KIF13A: variants seen among roughly 807,000 people sequenced by gnomAD.
KIF13A encodes the protein kinesin family member 13A, also known as kinesin-like protein KIF13A.
A neutral mutation model predicts 212.2 loss-of-function variants in KIF13A; 79 were observed. That is an observed-to-expected ratio of 0.37 (90% CI 0.31 to 0.45). The LOEUF (loss-of-function observed/expected upper bound fraction) is 0.45. Ranked by LOEUF, KIF13A falls within the 20% of genes least tolerant of loss-of-function variation. The pLI is 1.00. For missense variants in KIF13A, 1,901 were observed against 2,209.0 expected, an observed-to-expected ratio of 0.86 and a Z score of 2.79; for synonymous variants, 789 against 808.6, an observed-to-expected ratio of 0.98 and a Z score of 0.41.
chr6:17,908,683 A>C (rs78823422), intron 2 of KIF13A, among the ~76,000 whole-genome samples: 9,346 of 152,230 alleles, frequency 0.061, 367 homozygotes, highest in East Asian at 0.18. Flanking sequence ...TTAAAAAAAA[A>C]AAACCCTGTT....
chr6:17,929,691 C>T (rs1239937860), intron 2 of KIF13A, among the ~76,000 whole-genome samples: 6 of 152,120 alleles, frequency 3.9e-5, no homozygotes, highest in African/African-American at 9.7e-5. Context: ...TGAGCCACCG[C>T]GCCCGGCCGC....
Position 17,834,201 on chromosome 6 carries a change from G to T in KIF13A, c.1156-130C>A, listed in dbSNP as rs1765720100. On this transcript the variant is annotated intron_variant, in intron 11 of 38. Transcript: ENST00000259711. This position sits in a 1 kb window ranked among gnomAD's most constrained non-coding sequence, Gnocchi z 4.0. Reference sequence around the variant, plus strand: ...AAAAAATTAAGTTATATGCTGTTAGGGTGGGTTTTTAACCTTTATTAATCA... The same window carrying T: ...AAAAAATTAAGTTATATGCTGTTAGTGTGGGTTTTTAACCTTTATTAATCA... 1 of 570,144 alleles carries T rather than the reference G, an allele frequency of 1.8e-6. No homozygotes were observed. The highest frequency in any genetic ancestry group is 3.0e-6 in the Non-Finnish European group (1 of 334,226). The allele number at this position is 570,144 out of a possible 1,614,324, so 35.3% of individuals were successfully genotyped here. A position where few individuals can be genotyped will look rare whatever the true frequency, so the allele number is the denominator to read the frequency against.
intron 2 of KIF13A, among the ~76,000 whole-genome samples, chr6:17,954,303 CAAAA>C (rs71002291): frequency 1.9e-5 from 2 of 107,206 alleles, no homozygotes. Flanking sequence ...GACTCCATCT[CAAAA>C]AAAAAAAAAA....
rs1765194851 is a variant in KIF13A at position 17,828,928 on chromosome 6, G to A, written c.1402-558C>T. On this transcript the variant is annotated intron_variant, in intron 13 of 38. Transcript: ENST00000259711. The surrounding 1 kb of genome is among the most constrained non-coding windows in gnomAD (Gnocchi z 4.3). ...ATTACATACAGTATTAATGCCTGTGGGTCATACCATGTACAAACGTGTGAT... is the reference window on the plus strand; with the variant it reads ...ATTACATACAGTATTAATGCCTGTGAGTCATACCATGTACAAACGTGTGAT... Among the ~76,000 whole-genome samples the A allele has an allele frequency of 6.6e-6, 1 of 151,340 alleles. No individual in the cohort carries two copies. Among genetic ancestry groups the A allele is most frequent in the South Asian group, 2.1e-4 (1 of 4,780 alleles).
chr6:17,845,369 A>G (rs1308940680), intron 9 of KIF13A, among the ~76,000 whole-genome samples: 1 of 152,244 alleles, frequency 6.6e-6, no homozygotes, highest in Non-Finnish European at 1.5e-5. Context: ...TTACTCTATT[A>G]TAACAAATTA....
chr6:17,809,079 C>T lies in KIF13A; in HGVS notation c.2001-149G>A, dbSNP rs1763217071. On this transcript the variant is annotated intron_variant, in intron 17 of 38. Coordinates refer to ENST00000259711, the MANE Select transcript of KIF13A (RefSeq NM_022113.6). The surrounding 1 kb of genome is among the most constrained non-coding windows in gnomAD (Gnocchi z 4.7). ...ACCAGACTACCTCTCATCCTTCCCT[C>T]CTGCCCACAGATGGGCTATCTGTTG... The T allele has an allele frequency of 1.3e-6, 1 of 746,302 alleles. No homozygotes were observed. Among genetic ancestry groups the T allele is most frequent in the South Asian group, 2.0e-5 (1 of 48,836 alleles). 46.2% of individuals were successfully genotyped at this position (746,302 alleles called of 1,614,324 possible). A position where few individuals can be genotyped will look rare whatever the true frequency, so the allele number is the denominator to read the frequency against.
rs769106211 is a variant in KIF13A at position 17,777,246 on chromosome 6, T to A, written c.4170+31A>T. Reference sequence around the variant, plus strand: ...ACCCCAGAGGCTGCGACATGTCACATAGGAGCAGATCCTTGGCAGGATGCA... The same window carrying A: ...ACCCCAGAGGCTGCGACATGTCACAAAGGAGCAGATCCTTGGCAGGATGCA... On this transcript the variant is annotated intron_variant, in intron 34 of 38. Transcript: ENST00000259711. The surrounding 1 kb of genome is among the most constrained non-coding windows in gnomAD (Gnocchi z 4.4). 8 of 1,564,840 alleles carry A rather than the reference T, an allele frequency of 5.1e-6. No individual in the cohort carries two copies. The highest frequency in any genetic ancestry group is 1.7e-4 in the Middle Eastern group (1 of 5,984).
chr6:17,869,773 G>A (rs1252198595), intron 4 of KIF13A, among the ~76,000 whole-genome samples: 1 of 152,176 alleles, frequency 6.6e-6, no homozygotes, highest in Non-Finnish European at 1.5e-5. Flanking sequence ...AAGAGCCCTT[G>A]CTTCTCTTTG....
At position 17,886,255 on chromosome 6, in the gene KIF13A, C is replaced by T. The variant is rs773202719; in HGVS notation, c.159+11913G>A. On this transcript the variant is annotated intron_variant, in intron 3 of 38. Transcript: ENST00000259711. This position sits in a 1 kb window ranked among gnomAD's most constrained non-coding sequence, Gnocchi z 5.6. ...AAGACCTCATTTCTTGTGCCTATCT[C>T]TCCAGTCCCCTCTGCCTCACTGCAC... is the stretch of plus-strand genomic sequence containing the variant. 7.2e-5 allele frequency among the ~76,000 whole-genome samples: 11 copies of T among 152,236 alleles called. No homozygotes were observed. Among genetic ancestry groups the T allele is most frequent in the Non-Finnish European group, 1.0e-4 (7 of 68,044 alleles).
chr6:17,780,818 A>G lies in KIF13A; in HGVS notation c.3758T>C (p.Ile1253Thr). The G allele has an allele frequency of 6.2e-7, 1 of 1,613,932 alleles. No individual in the cohort carries two copies. Among genetic ancestry groups the G allele is most frequent in the Non-Finnish European group, 8.5e-7 (1 of 1,179,776 alleles). The change falls in exon 31 of 39, where the codon ATT becomes ACT. Residue 1253 changes from isoleucine (I) to threonine (T), a missense_variant. This residue lies in a region of KIF13A where 687 missense variants were observed against 759.1 expected (regional missense o/e 0.90). Transcript: ENST00000259711. The stretch of plus-strand genomic sequence containing the variant: ...GCTGAGTTGAACTGTGGTTTTCACA[A>G]TTAGGTAAATCCTTTCATTCTGTGG... ...VTPQNERIYL[I>T]VKTTVQLSHP... is the part of the protein sequence containing the mutation.
rs1230073093 is a variant in KIF13A at position 17,883,899 on chromosome 6, G to A, written c.160-10462C>T. On this transcript the variant is annotated intron_variant, in intron 3 of 38. Transcript: ENST00000259711. The surrounding 1 kb of genome is among the most constrained non-coding windows in gnomAD (Gnocchi z 4.8). Reference sequence around the variant, plus strand: ...ACCTGTGAATAGCCACTGCACTCCAGCCTGGACAACCTAGTGAGATCCCAT... The same window carrying A: ...ACCTGTGAATAGCCACTGCACTCCAACCTGGACAACCTAGTGAGATCCCAT... Among the ~76,000 whole-genome samples, 1 of 152,128 alleles carries A rather than the reference G, an allele frequency of 6.6e-6. No homozygotes were observed. Among genetic ancestry groups the A allele is most frequent in the African/African-American group, 2.4e-5 (1 of 41,426 alleles).
At chr6:17,881,438 A>G in intron 3 of KIF13A, 1 of 432,760 alleles carries the variant, frequency 2.3e-6, no homozygotes, top group Non-Finnish European at 4.5e-6. Flanking sequence ...AAGTCAATTT[A>G]CAGTTAAAAA....
rs115418571 is a variant in KIF13A at position 17,802,068 on chromosome 6, T to A, written c.2455-1955A>T. On this transcript the variant is annotated intron_variant, in intron 20 of 38. Coordinates refer to ENST00000259711, the MANE Select transcript of KIF13A (RefSeq NM_022113.6). ...TAATGACTGTGGCTGTCATTACACA[T>A]GTGTACAAGGTGACACATGTTCTGG... Among the ~76,000 whole-genome samples, 481 of 152,312 alleles carry A rather than the reference T, an allele frequency of 3.2e-3. 3 individuals are homozygous for A. Among genetic ancestry groups the A allele is most frequent in the Middle Eastern group, 0.014 (4 of 294 alleles).
At position 17,799,134 on chromosome 6, in the gene KIF13A, G is replaced by T; in HGVS notation, c.2790+132C>A. 4.1e-6 allele frequency: 2 copies of T among 482,816 alleles called. No individual in the cohort carries two copies. The highest frequency in any genetic ancestry group is 7.0e-6 in the Non-Finnish European group (2 of 286,894). 29.9% of individuals were successfully genotyped at this position (482,816 alleles called of 1,614,324 possible). On this transcript the variant is annotated intron_variant, in intron 22 of 38. Coordinates refer to ENST00000259711, the MANE Select transcript of KIF13A (RefSeq NM_022113.6). This position sits in a 1 kb window ranked among gnomAD's most constrained non-coding sequence, Gnocchi z 4.4. ...CTAAACTATTTGCATTTGTAATGAG[G>T]TACATTTTTGAGGTTAAAACATCTA...
At chr6:17,857,962 C>T (rs896536422) in intron 4 of KIF13A, among the ~76,000 whole-genome samples, 5 of 151,872 alleles carry the variant, frequency 3.3e-5, no homozygotes, top group African/African-American at 9.7e-5. Context: ...TTTTTAAAAA[C>T]AATAAACCCC....
At chr6:17,946,721 A>T (rs2150563849) in intron 2 of KIF13A, among the ~76,000 whole-genome samples, 1 of 152,342 alleles carries the variant, frequency 6.6e-6, no homozygotes. Flanking sequence ...TTTAACATGC[A>T]CATATGCTAT....
intron 20 of KIF13A, among the ~76,000 whole-genome samples, chr6:17,802,123 G>A (rs552447395): frequency 2.6e-5 from 4 of 152,226 alleles, no homozygotes; most frequent in Admixed American, 6.5e-5. Context: ...AACAGGGAAG[G>A]TTATTTTTAA....
At chr6:17,976,675 AAAGTGGG>A (rs1780538133) in intron 2 of KIF13A, among the ~76,000 whole-genome samples, 1 of 152,196 alleles carries the variant, frequency 6.6e-6, no homozygotes, top group South Asian at 2.1e-4. Context: ...AAGTGCCGCC[AAAGTGGG>A]AGCTCAGGCA....
rs190058049 is a variant in KIF13A at position 17,952,222 on chromosome 6, T to C, written c.146+34832A>G. 7.1e-3 allele frequency among the ~76,000 whole-genome samples: 1,056 copies of C among 147,968 alleles called. 17 individuals carry two copies. Among genetic ancestry groups the C allele is most frequent in the African/African-American group, 0.026 (1,020 of 39,962 alleles). ...GGGAGGCTGAGGCAGGAAGATGGCATGAACCCGGAAGGCAGAGCTTGCCAT... is the reference window on the plus strand; with the variant it reads ...GGGAGGCTGAGGCAGGAAGATGGCACGAACCCGGAAGGCAGAGCTTGCCAT... On this transcript the variant is annotated intron_variant, in intron 2 of 38. Coordinates refer to ENST00000259711, the MANE Select transcript of KIF13A (RefSeq NM_022113.6).
Sources: gnomAD v4.1 joint callset for allele counts (sites outside exome capture counted in the v4.1 genomes callset) on GRCh38, gnomAD v4.1.1 for gene constraint, gnomAD v4.1.1 regional missense constraint, Gnocchi (gnomAD v3.1) non-coding constraint, MANE v1.5 for transcripts, NCBI Gene and HGNC (gene_info 2026-07-23, HGNC 2026-07-21) for gene names.